The following ITIH5 variants were observed in gnomAD, a reference collection of about 807,000 sequenced individuals.
ITIH5 encodes the protein inter-alpha-trypsin inhibitor heavy chain H5.
A neutral mutation model predicts 77.5 loss-of-function variants in ITIH5; 65 were observed. The observed-to-expected ratio is 0.84, with a 90% CI of 0.69 to 1.03. The LOEUF (loss-of-function observed/expected upper bound fraction) is 1.03, where lower values mean the gene tolerates loss of function less well. Ranked by LOEUF, ITIH5 falls within the 50% of genes least tolerant of loss-of-function variation. The probability of loss-of-function intolerance (pLI) is 0.00; values close to 1 mark genes in which losing one functional copy is unlikely to be tolerated. For synonymous variants in ITIH5, 525 were observed against 494.3 expected (o/e 1.06, Z -0.82); for missense variants, 1,208 against 1,213.1 (o/e 1.00, Z 0.06).
chr10:7,582,050 AC>A (rs1360370366), intron 8 of ITIH5, among the ~76,000 whole-genome samples: 2 of 148,262 alleles, frequency 1.3e-5, no homozygotes, highest in East Asian at 2.0e-4. Flanking sequence ...TAATTTTTGT[AC>A]TTTTTTAGTA....
intron 2 of ITIH5, among the ~76,000 whole-genome samples, chr10:7,644,593 A>C (rs1431261692): frequency 4.4e-5 from 6 of 136,244 alleles, no homozygotes; most frequent in East Asian, 2.1e-4. Context: ...TCACATATAT[A>C]TCATACATAT....
rs977648666 is a variant in ITIH5 at position 7,559,603 on chromosome 10, A to G, written c.*3480T>C. The G allele has an allele frequency of 2.3e-5, 6 of 258,888 alleles. No homozygotes were observed. The highest frequency in any genetic ancestry group is 1.4e-3 in the Middle Eastern group (1 of 708). 16.0% of individuals were successfully genotyped at this position (258,888 alleles called of 1,614,324 possible). A position where few individuals can be genotyped will look rare whatever the true frequency, so the allele number is the denominator to read the frequency against. ...GGGAAGCTTAAAGAACAGAAAAAGA[A>G]TTAACGTTTTGAATGATTTGGTGTC... On this transcript the variant is annotated 3_prime_UTR_variant, in exon 14 of 14. Transcript: ENST00000397146.
intron 8 of ITIH5, among the ~76,000 whole-genome samples, chr10:7,583,259 T>C (rs1832604349): frequency 6.6e-6 from 1 of 152,252 alleles, no homozygotes; most frequent in Admixed American, 6.5e-5. Flanking sequence ...ATGTTCATAA[T>C]TCTTGCTAAG....
chr10:7,585,359 TG>T (rs1832650325), intron 8 of ITIH5, among the ~76,000 whole-genome samples: 1 of 152,166 alleles, frequency 6.6e-6, no homozygotes, highest in African/African-American at 2.4e-5. Flanking sequence ...CACCCTTACC[TG>T]GGCAACACCC....
At chr10:7,579,066 T>C (rs1054033547) in intron 9 of ITIH5, among the ~76,000 whole-genome samples, 7 of 152,238 alleles carry the variant, frequency 4.6e-5, no homozygotes, top group Non-Finnish European at 7.3e-5. Context: ...CTTTGAAATA[T>C]CAGGATGTCA....
intron 5 of ITIH5, among the ~76,000 whole-genome samples, chr10:7,626,339 C>G (rs1317404776): frequency 1.3e-5 from 2 of 152,258 alleles, no homozygotes; most frequent in Non-Finnish European, 2.9e-5. Flanking sequence ...TTGGGTTGAC[C>G]GAGCCACAGC....
intron 5 of ITIH5, among the ~76,000 whole-genome samples, chr10:7,623,542 G>A (rs376711465): frequency 1.3e-5 from 2 of 152,160 alleles, no homozygotes; most frequent in Non-Finnish European, 2.9e-5. Flanking sequence ...GGTGGCTCAC[G>A]CCTGTAATCC....
At chr10:7,639,089 T>A (rs1833843952) in intron 4 of ITIH5, among the ~76,000 whole-genome samples, 1 of 152,234 alleles carries the variant, frequency 6.6e-6, no homozygotes, top group African/African-American at 2.4e-5. Context: ...TCTGAACAAT[T>A]GTGATAAAGA....
At chr10:7,617,536 A>C (rs1833394268) in intron 5 of ITIH5, 1 of 299,936 alleles carries the variant, frequency 3.3e-6, no homozygotes, top group African/African-American at 2.2e-5. Context: ...TAGTAAAATG[A>C]ACCCCTGTAC....
intron 5 of ITIH5, among the ~76,000 whole-genome samples, chr10:7,628,555 T>TCCACATTA (rs1456461535): frequency 2.0e-5 from 3 of 151,988 alleles, no homozygotes; most frequent in South Asian, 2.1e-4. Context: ...ATACCATGTA[T>TCCACATTA]TCGTGTTGTG....
chr10:7,628,579 C>A (rs74770151), intron 5 of ITIH5, among the ~76,000 whole-genome samples: 3 of 105,006 alleles, frequency 2.9e-5, no homozygotes, highest in Admixed American at 2.0e-4. Context: ...TGTGTCCATG[C>A]TGTAGCATGT....
Position 7,566,450 on chromosome 10 carries a change from C to A in ITIH5, c.2150-43G>T, listed in dbSNP as rs762352784. 3.2e-5 allele frequency: 50 copies of A among 1,551,258 alleles called. No homozygotes were observed. The Middle Eastern group carries it at 7.6e-4, about 24-fold the overall frequency. ...AAAGAAGAAGGTTAGAAAATCTGACCAGGAGTGGTGGCTCACACCTGTAAT... is the reference window on the plus strand; with the variant it reads ...AAAGAAGAAGGTTAGAAAATCTGACAAGGAGTGGTGGCTCACACCTGTAAT... On this transcript the variant is annotated intron_variant, in intron 12 of 13. Transcript: ENST00000397146.
Position 7,559,862 on chromosome 10 carries a change from G to GT in ITIH5, c.*3220dup, listed in dbSNP as rs111905334. On this transcript the variant is annotated 3_prime_UTR_variant, in exon 14 of 14. Coordinates refer to ENST00000397146, the MANE Select transcript of ITIH5 (RefSeq NM_030569.7). ...CCATGTCTTTTTTTTGTTTTGTTTT[G>GT]TTTTTTTTTGACGGAGTTTGGCTCT... 4,851 of 403,816 alleles carry GT rather than the reference G, an allele frequency of 0.012. 141 individuals are homozygous for GT. Among genetic ancestry groups the GT allele is most frequent in the African/African-American group, 0.11 (3,796 of 35,144 alleles). The allele number at this position is 403,816 out of a possible 1,614,324, so 25.0% of individuals were successfully genotyped here.
rs1397695488 is a variant in ITIH5 at position 7,583,621 on chromosome 10, A to AC, written c.1108+2279dup. ...AGTGCCAGGGTTATAGGTATGAGCC[A>AC]CTGCGCCTGGCCTAATTTGCCTTTC... is the stretch of plus-strand genomic sequence containing the variant. On this transcript the variant is annotated intron_variant, in intron 8 of 13. Transcript: ENST00000397146. Among the ~76,000 whole-genome samples the AC allele has an allele frequency of 2.6e-5, 4 of 152,334 alleles. No homozygotes were observed. The East Asian group carries it at 7.7e-4, about 29-fold the overall frequency.
At chr10:7,593,702 G>A (rs1207962773) in intron 7 of ITIH5, among the ~76,000 whole-genome samples, 2 of 42,536 alleles carry the variant, frequency 4.7e-5, no homozygotes, top group East Asian at 6.8e-4. Flanking sequence ...ACTCATCCCT[G>A]CAGCCTGCAG....
intron 7 of ITIH5, among the ~76,000 whole-genome samples, chr10:7,601,867 TTTTG>T (rs1175992456): frequency 2.8e-4 from 42 of 152,244 alleles, no homozygotes; most frequent in Non-Finnish European, 5.4e-4. Flanking sequence ...TTTGTTTTGT[TTTTG>T]AGATGCAGTC....
chr10:7,660,699 C>T (rs995214984), intron 1 of ITIH5, among the ~76,000 whole-genome samples: 2 of 152,174 alleles, frequency 1.3e-5, no homozygotes, highest in African/African-American at 2.4e-5. Flanking sequence ...GAGATAGGTA[C>T]TTGAGTCATC....
Position 7,573,954 on chromosome 10 carries a change from C to T in ITIH5, c.1979-759G>A, listed in dbSNP as rs117803943. Among the ~76,000 whole-genome samples, 8 of 152,232 alleles carry T rather than the reference C, an allele frequency of 5.3e-5. No individual in the cohort carries two copies. The East Asian group carries it at 1.2e-3, about 22-fold the overall frequency. On this transcript the variant is annotated intron_variant, in intron 10 of 13. Transcript: ENST00000397146. ...ACAACAGTGTGAATATACCTAACAT[C>T]GCTTACCAGCATTGAACTGTACGCT...
chr10:7,616,031 A>G lies in ITIH5; in HGVS notation c.890T>C (p.Val297Ala). The change falls in exon 7 of 14, where the codon GTA (valine) becomes GCA (alanine). Residue 297 changes from valine (V) to alanine (A), a missense_variant. Val to Ala is a moderately conservative substitution (Grantham distance 64). Coordinates refer to ENST00000397146, the MANE Select transcript of ITIH5 (RefSeq NM_030569.7). ...KDLPPLPKNVVFVLDSSASMV... is the reference protein window; with the variant it reads ...KDLPPLPKNVAFVLDSSASMV... Reference sequence around the variant, plus strand: ...AGAAGCACTGCTGTCAAGCACGAATACCACATTCTTGGGTAAAGGAGGAAG... The same window carrying G: ...AGAAGCACTGCTGTCAAGCACGAATGCCACATTCTTGGGTAAAGGAGGAAG... 2 of 1,613,728 alleles carry G rather than the reference A, an allele frequency of 1.2e-6. No individual in the cohort carries two copies. Among genetic ancestry groups the G allele is most frequent in the Non-Finnish European group, 1.7e-6 (2 of 1,179,624 alleles).
Sources: allele counts gnomAD v4.1 joint callset (sites outside exome capture counted in the v4.1 genomes callset), GRCh38; gene constraint gnomAD v4.1.1; transcripts MANE v1.5; gene names NCBI Gene and HGNC (gene_info 2026-07-23, HGNC 2026-07-21).